SERGEF: variants seen among roughly 807,000 people sequenced by gnomAD.
SERGEF encodes secretion regulating guanine nucleotide exchange factor.
In SERGEF, 51 loss-of-function variants were observed where a neutral mutation model predicts 50.0. That is an observed-to-expected ratio of 1.02 (90% CI 0.81 to 1.29). SERGEF has a LOEUF of 1.29. Ranked by LOEUF, SERGEF falls within the 50% of genes most tolerant of loss-of-function variation. The pLI is 0.00. For missense variants in SERGEF, 521 were observed against 557.0 expected (o/e 0.94, Z 0.65); for synonymous variants, 205 against 212.4 (o/e 0.97, Z 0.30).
chr11:17,906,211 G>T (rs1419997193), intron 9 of SERGEF, among the ~76,000 whole-genome samples: 1 of 152,154 alleles, frequency 6.6e-6, no homozygotes, highest in East Asian at 1.9e-4. Flanking sequence ...GGGAATACAG[G>T]AGACAGGCAA....
chr11:17,967,230 G>A (rs1376100571), intron 8 of SERGEF, among the ~76,000 whole-genome samples: 1 of 152,176 alleles, frequency 6.6e-6, no homozygotes, highest in Non-Finnish European at 1.5e-5. Context: ...GGGACCCAGG[G>A]GCCTGGCAAC....
intron 9 of SERGEF, among the ~76,000 whole-genome samples, chr11:17,896,005 A>G (rs118092876): frequency 6.6e-6 from 1 of 152,176 alleles, no homozygotes; most frequent in Non-Finnish European, 1.5e-5. Context: ...GGGTACCTAC[A>G]TTACTTTCAA....
chr11:17,950,717 C>T (rs1004989815), intron 9 of SERGEF, among the ~76,000 whole-genome samples: 17 of 152,222 alleles, frequency 1.1e-4, no homozygotes, highest in African/African-American at 3.9e-4. Flanking sequence ...TTGCTCTCAG[C>T]AGACCACTGA....
chr11:17,809,974 C>T (rs1395289339), intron 10 of SERGEF, among the ~76,000 whole-genome samples: 1 of 152,136 alleles, frequency 6.6e-6, no homozygotes, highest in Admixed American at 6.5e-5. Flanking sequence ...CACACTGTGC[C>T]CTGCTCCTAC....
At chr11:17,961,174 T>C (rs1358232548) in intron 8 of SERGEF, among the ~76,000 whole-genome samples, 1 of 152,180 alleles carries the variant, frequency 6.6e-6, no homozygotes, top group Admixed American at 6.5e-5. Flanking sequence ...TAGCCCAGGG[T>C]CACACAGCTA....
At chr11:17,925,497 G>A (rs1288084290) in intron 9 of SERGEF, among the ~76,000 whole-genome samples, 1 of 152,182 alleles carries the variant, frequency 6.6e-6, no homozygotes, top group East Asian at 1.9e-4. Flanking sequence ...GACCACTTCT[G>A]CTAAACACAA....
chr11:17,904,590 G>A (rs1041065399), intron 9 of SERGEF, among the ~76,000 whole-genome samples: 1 of 152,166 alleles, frequency 6.6e-6, no homozygotes, highest in Non-Finnish European at 1.5e-5. Flanking sequence ...ACAAGTCCTA[G>A]TTTAAGAATA....
At chr11:17,992,202 GTAGA>G (rs1439239801) in intron 7 of SERGEF, among the ~76,000 whole-genome samples, 1 of 152,068 alleles carries the variant, frequency 6.6e-6, no homozygotes, top group East Asian at 1.9e-4. Context: ...AAGAGATGAA[GTAGA>G]TAAATTAGAG....
chr11:17,896,564 G>C (rs1851626308), intron 9 of SERGEF, among the ~76,000 whole-genome samples: 2 of 80,188 alleles, frequency 2.5e-5, no homozygotes, highest in Admixed American at 1.4e-4. Context: ...GGGAAGGGAA[G>C]GGAAGGGGAA....
At chr11:17,963,452 A>G (rs1408879788) in intron 8 of SERGEF, among the ~76,000 whole-genome samples, 1 of 147,224 alleles carries the variant, frequency 6.8e-6, no homozygotes, top group African/African-American at 2.5e-5. Context: ...CAGTGGCATG[A>G]TCTTGGCTCA....
Position 17,884,680 on chromosome 11 carries a change from A to C in SERGEF, c.1012-6436T>G, listed in dbSNP as rs986191974. 1.3e-5 allele frequency among the ~76,000 whole-genome samples: 2 copies of C among 149,592 alleles called. No homozygotes were observed. The highest frequency in any genetic ancestry group is 4.9e-5 in the African/African-American group (2 of 40,536). On this transcript the variant is annotated intron_variant, in intron 9 of 10. Coordinates refer to ENST00000265965, the MANE Select transcript of SERGEF (RefSeq NM_012139.4). This position sits in a 1 kb window ranked among gnomAD's most constrained non-coding sequence, Gnocchi z 4.6. The stretch of plus-strand genomic sequence containing the variant: ...ACCTAGCCTTACTAAGATATCTTTA[A>C]CTCTCTCTGTGGGCTTGAATTTGTA...
chr11:17,891,612 G>A (rs1267600575), intron 9 of SERGEF, among the ~76,000 whole-genome samples: 2 of 152,208 alleles, frequency 1.3e-5, no homozygotes, highest in African/African-American at 2.4e-5. Context: ...GGTAGGTGGA[G>A]GTGCATATGA....
At chr11:17,823,031 T>C (rs1343927869) in intron 10 of SERGEF, among the ~76,000 whole-genome samples, 1 of 152,244 alleles carries the variant, frequency 6.6e-6, no homozygotes, top group Non-Finnish European at 1.5e-5. Flanking sequence ...TGCTAGTTTC[T>C]CCCTAATGTC....
intron 8 of SERGEF, among the ~76,000 whole-genome samples, chr11:17,962,732 T>C (rs1374607240): frequency 1.3e-5 from 2 of 152,028 alleles, no homozygotes; most frequent in African/African-American, 2.4e-5. Context: ...ATGAGAAGTA[T>C]GGAGAAAGAA....
intron 9 of SERGEF, among the ~76,000 whole-genome samples, chr11:17,943,825 G>A (rs1852604593): frequency 6.6e-6 from 1 of 152,146 alleles, no homozygotes; most frequent in Non-Finnish European, 1.5e-5. Context: ...AAAGTTGAAA[G>A]AACCACACAA....
intron 10 of SERGEF, among the ~76,000 whole-genome samples, chr11:17,839,821 G>A (rs1167877678): frequency 1.3e-5 from 2 of 152,144 alleles, no homozygotes; most frequent in Non-Finnish European, 2.9e-5. Context: ...ACTCTGCAAG[G>A]TATTATAAAC....
chr11:17,898,674 A>G (rs1851690608), intron 9 of SERGEF, among the ~76,000 whole-genome samples: 1 of 152,212 alleles, frequency 6.6e-6, no homozygotes, highest in South Asian at 2.1e-4. Context: ...ATTAAGAAAC[A>G]TTAGATGGAA....
chr11:17,927,427 A>G (rs17720417), intron 9 of SERGEF, among the ~76,000 whole-genome samples: 18,329 of 152,298 alleles, frequency 0.12, 1,353 homozygotes, highest in Middle Eastern at 0.22. Flanking sequence ...AGGCTGCTGT[A>G]AACATGAAAA....
At chr11:17,929,680 C>A (rs954281214) in intron 9 of SERGEF, among the ~76,000 whole-genome samples, 1 of 152,182 alleles carries the variant, frequency 6.6e-6, no homozygotes, top group African/African-American at 2.4e-5. Context: ...CAGCCTACTA[C>A]TGCTTACTAT....
Sources: gnomAD v4.1 joint callset for allele counts (sites outside exome capture counted in the v4.1 genomes callset) on GRCh38, gnomAD v4.1.1 for gene constraint, Gnocchi (gnomAD v3.1) non-coding constraint, MANE v1.5 for transcripts, NCBI Gene and HGNC (gene_info 2026-07-23, HGNC 2026-07-21) for gene names.